Variants in SMAD4 observed in about 807,000 individuals in gnomAD.
SMAD4 encodes the protein MAD homolog 4.
Under a neutral mutation model 63.2 loss-of-function variants are expected in SMAD4, and 7 were observed. That is an observed-to-expected ratio of 0.11 (90% confidence interval 0.06 to 0.21). The LOEUF (loss-of-function observed/expected upper bound fraction) is 0.21. Among genes scored for constraint, SMAD4 ranks in the 10% least tolerant of loss-of-function variants. The pLI, the probability that SMAD4 is intolerant of heterozygous loss-of-function variation, is 1.00. For missense variants in SMAD4, 312 were observed against 693.8 expected (o/e 0.45, Z 6.18); for synonymous variants, 215 against 235.4 (o/e 0.91, Z 0.79).
intron 8 of SMAD4, among the ~76,000 whole-genome samples, chr18:51,063,186 G>A (rs537179781): frequency 1.1e-4 from 16 of 151,760 alleles, no homozygotes; most frequent in African/African-American, 3.9e-4. Flanking sequence ...ATAAATACTT[G>A]TTTAAAACAA....
chr18:51,075,958 CT>C (rs556905208), intron 10 of SMAD4, among the ~76,000 whole-genome samples: 3 of 151,754 alleles, frequency 2.0e-5, no homozygotes, highest in East Asian at 1.9e-4. Context: ...AAAACTGGGC[CT>C]TTTTTTTCCT....
At chr18:51,058,046 A>G in intron 5 of SMAD4, 79 bp from the exon 6 acceptor site, 2 of 1,535,088 alleles carry the variant, frequency 1.3e-6, no homozygotes, top group East Asian at 2.3e-5. Context: ...ATCAGATAAA[A>G]TTGGTCCTTC....
In SMAD4 at chr18:51,080,044, C is replaced by T. The variant is rs998160916; in HGVS notation, c.*1577C>T. ...TACAAGATGATAAATAGATTGTCTA[C>T]AGGATAAATAGTATGAAATAAAATC... On this transcript the variant is annotated 3_prime_UTR_variant, in exon 12 of 12. Coordinates refer to ENST00000342988, the MANE Select transcript of SMAD4 (RefSeq NM_005359.6). 3 of 217,342 alleles carry T rather than the reference C, an allele frequency of 1.4e-5. No individual in the cohort carries two copies. Among genetic ancestry groups the T allele is most frequent in the Non-Finnish European group, 2.8e-5 (3 of 108,726 alleles). The allele number at this position is 217,342 out of a possible 1,614,324, so 13.5% of individuals were successfully genotyped here.
chr18:51,033,652 TATCAAGCATATGC>T, intron 1 of SMAD4, among the ~76,000 whole-genome samples: 1 of 152,256 alleles, frequency 6.6e-6, no homozygotes, highest in African/African-American at 2.4e-5. Flanking sequence ...TGTTTGCATA[TATCAAGCATATGC>T]TTGATCATAA....
chr18:51,078,801 C>T lies in SMAD4; in HGVS notation c.*334C>T, dbSNP rs534790830. On this transcript the variant is annotated 3_prime_UTR_variant, in exon 12 of 12. Transcript: ENST00000342988. ...TTAGAGCCTTTTATCTGCAGAACAT[C>T]GATATGTATATCATTCTACAGAATA... is the stretch of plus-strand genomic sequence containing the variant. The T allele has an allele frequency of 1.3e-4, 41 of 325,136 alleles. 1 individual carries two copies. The South Asian group carries it at 2.8e-3, about 22-fold the overall frequency. 20.1% of individuals were successfully genotyped at this position (325,136 alleles called of 1,614,324 possible). A position where few individuals can be genotyped will look rare whatever the true frequency, so the allele number is the denominator to read the frequency against.
At chr18:51,039,799 T>C (rs551044752) in intron 1 of SMAD4, among the ~76,000 whole-genome samples, 14 of 152,284 alleles carry the variant, frequency 9.2e-5, no homozygotes, top group Non-Finnish European at 4.4e-5. Context: ...TCATTTAAAC[T>C]GAAGGTGGCA....
chr18:51,071,546 A>G (rs568273135), intron 10 of SMAD4, among the ~76,000 whole-genome samples: 1 of 152,208 alleles, frequency 6.6e-6, no homozygotes, highest in African/African-American at 2.4e-5. Flanking sequence ...TTTTGCTTTC[A>G]AAAGTAAAAT....
chr18:51,069,323 C>T (rs1175406940), intron 10 of SMAD4, among the ~76,000 whole-genome samples: 1 of 152,048 alleles, frequency 6.6e-6, no homozygotes, highest in Non-Finnish European at 1.5e-5. Flanking sequence ...CCGTGTTGGC[C>T]AGGCTGGTCT....
intron 10 of SMAD4, 109 bp from the exon 11 acceptor site, chr18:51,076,529 T>C: frequency 1.1e-6 from 1 of 894,568 alleles, no homozygotes; most frequent in Admixed American, 2.4e-5. Context: ...TTAATTCTTT[T>C]CATGTGAGAG....
chr18:51,084,347 A>G lies in SMAD4; in HGVS notation c.*5880A>G, dbSNP rs949091671. On this transcript the variant is annotated 3_prime_UTR_variant, in exon 12 of 12. Coordinates refer to ENST00000342988, the MANE Select transcript of SMAD4 (RefSeq NM_005359.6). ...TGACTCAAGAAAACAATACCAGTAG[A>G]TGATTATTAACTTTATTCTTGGCTC... The G allele has an allele frequency of 8.7e-5, 20 of 229,632 alleles. No homozygotes were observed. The highest frequency in any genetic ancestry group is 4.2e-4 in the African/African-American group (19 of 45,088). 14.2% of individuals were successfully genotyped at this position (229,632 alleles called of 1,614,324 possible). A position where few individuals can be genotyped will look rare whatever the true frequency, so the allele number is the denominator to read the frequency against.
At chr18:51,068,914 C>G (rs954464942) in intron 10 of SMAD4, among the ~76,000 whole-genome samples, 2 of 152,018 alleles carry the variant, frequency 1.3e-5, no homozygotes, top group Non-Finnish European at 2.9e-5. Context: ...GAGTGAGACC[C>G]TTTCTCAAAA....
intron 7 of SMAD4, 100 bp from the exon 8 acceptor site, chr18:51,059,766 C>T: frequency 1.1e-6 from 1 of 886,988 alleles, no homozygotes; most frequent in East Asian, 2.6e-5. Context: ...TAAACAATTC[C>T]TAACCTATAA....
At chr18:51,035,823 G>A (rs1909187507) in intron 1 of SMAD4, among the ~76,000 whole-genome samples, 1 of 152,106 alleles carries the variant, frequency 6.6e-6, no homozygotes, top group Non-Finnish European at 1.5e-5. Context: ...GTCTCTGGAA[G>A]AGCTATTTAA....
At chr18:51,047,555 C>T (rs1483779547) in intron 2 of SMAD4, among the ~76,000 whole-genome samples, 3 of 151,616 alleles carry the variant, frequency 2.0e-5, no homozygotes, top group African/African-American at 4.8e-5. Context: ...AAAACCCACA[C>T]TTCGCAAGAA....
intron 5 of SMAD4, among the ~76,000 whole-genome samples, chr18:51,055,274 A>C (rs1263062982): frequency 6.6e-6 from 1 of 152,204 alleles, no homozygotes; most frequent in Non-Finnish European, 1.5e-5. Context: ...TTGGAGAAAT[A>C]TTTAAATAAT....
chr18:51,066,343 C>CAA (rs112954430), intron 9 of SMAD4, among the ~76,000 whole-genome samples: 9 of 65,880 alleles, frequency 1.4e-4, no homozygotes, highest in African/African-American at 2.1e-4. Flanking sequence ...GACTCCATTT[C>CAA]AAAAAAAAAA....
At chr18:51,055,040 C>A (rs2144420092) in intron 5 of SMAD4, 47 bp downstream of exon 5, 1 of 1,382,696 alleles carries the variant, frequency 7.2e-7, no homozygotes, top group Non-Finnish European at 1.0e-6. Flanking sequence ...TTTTCCTAAT[C>A]ATTGCTTATT....
intron 1 of SMAD4, among the ~76,000 whole-genome samples, chr18:51,044,236 C>G (rs924796460): frequency 6.6e-6 from 1 of 152,144 alleles, no homozygotes; most frequent in Admixed American, 6.5e-5. Flanking sequence ...CCTTCAACTC[C>G]TGAGCTCAAG....
intron 2 of SMAD4, 132 bp downstream of exon 2, chr18:51,047,427 A>G (rs1441411622): frequency 1.3e-6 from 1 of 776,594 alleles, no homozygotes; most frequent in Non-Finnish European, 2.2e-6. Flanking sequence ...TCCTGTACAA[A>G]TATGCATTAT....
Sources: allele counts gnomAD v4.1 joint callset (sites outside exome capture counted in the v4.1 genomes callset), GRCh38; gene constraint gnomAD v4.1.1; transcripts MANE v1.5; gene names NCBI Gene and HGNC (gene_info 2026-07-23, HGNC 2026-07-21).